THSD7B: variants seen among roughly 807,000 people sequenced by gnomAD.
The protein encoded by THSD7B is thrombospondin type 1 domain containing 7B, also known as thrombospondin type-1 domain-containing protein 7B.
THSD7B carries 138 observed loss-of-function variants against 213.6 expected under a neutral mutation model. The observed-to-expected ratio is 0.65, with a 90% confidence interval of 0.56 to 0.74. The LOEUF (loss-of-function observed/expected upper bound fraction) is 0.74, where lower values mean the gene tolerates loss of function less well. Ranked by LOEUF, THSD7B falls within the 30% of genes least tolerant of loss-of-function variation. The pLI, the probability that THSD7B is intolerant of heterozygous loss-of-function variation, is 0.00. For missense variants in THSD7B, 1,931 were observed against 1,991.5 expected (o/e 0.97, Z 0.58); for synonymous variants, 742 against 687.0 (o/e 1.08, Z -1.25).
intron 6 of THSD7B, among the ~76,000 whole-genome samples, chr2:137,167,944 G>C (rs1680169887): frequency 6.6e-6 from 1 of 152,266 alleles, no homozygotes; most frequent in Middle Eastern, 3.4e-3. Flanking sequence ...TTGTGAGGAG[G>C]CAATGACTCT....
At chr2:137,019,629 A>G (rs1188514570) in intron 2 of THSD7B, among the ~76,000 whole-genome samples, 1 of 152,192 alleles carries the variant, frequency 6.6e-6, no homozygotes, top group Non-Finnish European at 1.5e-5. Flanking sequence ...AACATCTTGC[A>G]AACCCACTGT....
In THSD7B at chr2:137,515,177, ATG is replaced by A. The variant is rs1680044217; in HGVS notation, c.3139-48039_3139-48038del. 2.0e-5 allele frequency among the ~76,000 whole-genome samples: 3 copies of A among 152,216 alleles called. No homozygotes were observed. In the South Asian group the frequency reaches 6.2e-4, roughly 32 times the overall value. ...TAGGACCCTGCGACTTGGAATGGGG[ATG>A]TGTGGGAGGACCCTGATGAAGCTGG... is the stretch of plus-strand genomic sequence containing the variant. On this transcript the variant is annotated intron_variant, in intron 15 of 27. Coordinates refer to ENST00000409968, the MANE Select transcript of THSD7B (RefSeq NM_001316349.2).
At chr2:137,299,757 GT>G (rs1350700864) in intron 12 of THSD7B, among the ~76,000 whole-genome samples, 3 of 152,062 alleles carry the variant, frequency 2.0e-5, no homozygotes, top group Non-Finnish European at 2.9e-5. Flanking sequence ...ATTATACATA[GT>G]TTTAACTATG....
intron 20 of THSD7B, among the ~76,000 whole-genome samples, chr2:137,639,245 C>T (rs1682892551): frequency 6.6e-6 from 1 of 152,150 alleles, no homozygotes; most frequent in South Asian, 2.1e-4. Flanking sequence ...AAGGGGCCAA[C>T]ATGAAGCTCG....
In THSD7B at chr2:137,056,459, G is replaced by C; in HGVS notation, c.179G>C (p.Gly60Ala). ...TGTACAGGAGACTGTGGTCCCGGAGGAGTCCAGAGTCGGGCAGTGTGGTGT... is the reference window on the plus strand; with the variant it reads ...TGTACAGGAGACTGTGGTCCCGGAGCAGTCCAGAGTCGGGCAGTGTGGTGT... ...GRCTGDCGPGGVQSRAVWCFH... is the reference protein window; with the variant it reads ...GRCTGDCGPGAVQSRAVWCFH... Residue 60 changes from glycine to alanine, a missense_variant, in exon 3 of 28, where the codon GGA (glycine) becomes GCA (alanine). Physicochemically the swap from Gly to Ala is moderately conservative, Grantham distance 60 (BLOSUM62 0). Transcript: ENST00000409968. 1 of 1,613,962 alleles carries C rather than the reference G, an allele frequency of 6.2e-7. No homozygotes were observed.
chr2:137,158,614 T>C (rs1408872177), intron 5 of THSD7B, among the ~76,000 whole-genome samples: 1 of 151,942 alleles, frequency 6.6e-6, no homozygotes, highest in Non-Finnish European at 1.5e-5. Flanking sequence ...TCAGGTTGCC[T>C]CATTGTTCAT....
chr2:137,142,127 A>G (rs1283665774), intron 5 of THSD7B, among the ~76,000 whole-genome samples: 11 of 152,322 alleles, frequency 7.2e-5, no homozygotes, highest in African/African-American at 2.2e-4. Context: ...TTGTGCAGCT[A>G]TAACAGAATA....
At chr2:136,914,936 T>A (rs1684327313) in intron 2 of THSD7B, among the ~76,000 whole-genome samples, 1 of 152,160 alleles carries the variant, frequency 6.6e-6, no homozygotes, top group South Asian at 2.1e-4. Context: ...GAAACATTAT[T>A]GAAAACAATA....
At chr2:136,905,699 C>A (rs896623184) in intron 2 of THSD7B, among the ~76,000 whole-genome samples, 1 of 152,142 alleles carries the variant, frequency 6.6e-6, no homozygotes, top group African/African-American at 2.4e-5. Context: ...TGGTTGTGGG[C>A]AAATATGCCA....
At chr2:137,222,345 C>T (rs1163315913) in intron 7 of THSD7B, among the ~76,000 whole-genome samples, 2 of 152,190 alleles carry the variant, frequency 1.3e-5, no homozygotes, top group Admixed American at 6.5e-5. Context: ...AACTACTCAT[C>T]AACTATTCTG....
chr2:136,872,266 T>C (rs547214871), intron 1 of THSD7B, among the ~76,000 whole-genome samples: 7 of 152,192 alleles, frequency 4.6e-5, no homozygotes, highest in Middle Eastern at 3.4e-3. Flanking sequence ...TTCTCCATTC[T>C]GTCTTCCTTA....
At chr2:137,216,447 G>C (rs1681244830) in intron 7 of THSD7B, among the ~76,000 whole-genome samples, 1 of 152,070 alleles carries the variant, frequency 6.6e-6, no homozygotes, top group South Asian at 2.1e-4. Context: ...AGAATGGATA[G>C]AAATTAGTTT....
intron 7 of THSD7B, among the ~76,000 whole-genome samples, chr2:137,185,058 T>C (rs1680525448): frequency 6.6e-6 from 1 of 152,064 alleles, no homozygotes; most frequent in Non-Finnish European, 1.5e-5. Flanking sequence ...TTATGGAGAA[T>C]AAAAATGGCA....
intron 1 of THSD7B, among the ~76,000 whole-genome samples, chr2:136,774,512 T>TA (rs1210998531): frequency 2.6e-5 from 4 of 152,062 alleles, no homozygotes; most frequent in African/African-American, 9.7e-5. Flanking sequence ...GTGCAACATA[T>TA]AAAAAAAGTC....
chr2:136,833,984 A>T (rs1027873979), intron 1 of THSD7B, among the ~76,000 whole-genome samples: 3 of 152,206 alleles, frequency 2.0e-5, no homozygotes, highest in Admixed American at 1.3e-4. Flanking sequence ...TTAGAGTTTA[A>T]TAGTTTAGCC....
At chr2:137,507,212 A>G (rs1679856346) in intron 15 of THSD7B, among the ~76,000 whole-genome samples, 1 of 152,238 alleles carries the variant, frequency 6.6e-6, no homozygotes, top group Non-Finnish European at 1.5e-5. Flanking sequence ...CTCCAGTGCC[A>G]GAAAGTAACC....
chr2:137,131,164 G>C (rs1347217541), intron 5 of THSD7B, among the ~76,000 whole-genome samples: 2 of 141,504 alleles, frequency 1.4e-5, no homozygotes, highest in African/African-American at 5.1e-5. Flanking sequence ...TTTTTTGGCT[G>C]CATAAGTGTC....
chr2:137,590,176 A>G (rs1053168345), intron 17 of THSD7B, among the ~76,000 whole-genome samples: 1 of 152,224 alleles, frequency 6.6e-6, no homozygotes, highest in East Asian at 1.9e-4. Context: ...GAAGAGCTAG[A>G]TCACTGGCTG....
intron 2 of THSD7B, among the ~76,000 whole-genome samples, chr2:136,930,302 C>T (rs1405534768): frequency 2.0e-5 from 3 of 152,236 alleles, no homozygotes; most frequent in East Asian, 3.9e-4. Flanking sequence ...GAGAGTAGAG[C>T]ATTTTAGGCA....
Sources: allele counts gnomAD v4.1 joint callset (sites outside exome capture counted in the v4.1 genomes callset), GRCh38; gene constraint gnomAD v4.1.1; transcripts MANE v1.5; gene names NCBI Gene and HGNC (gene_info 2026-07-23, HGNC 2026-07-21).